The following PEAK1 variants were observed in gnomAD, a reference collection of about 807,000 sequenced individuals.
The protein encoded by PEAK1 is inactive tyrosine-protein kinase PEAK1.
Under a neutral mutation model 124.7 loss-of-function variants are expected in PEAK1, and 54 were observed. That is an observed-to-expected ratio of 0.43 (90% CI 0.35 to 0.54). PEAK1 has a LOEUF of 0.54. Among genes scored for constraint, PEAK1 ranks in the 20% least tolerant of loss-of-function variants. PEAK1 has a pLI of 0.01. For missense variants in PEAK1, 2,046 were observed against 2,134.5 expected (o/e 0.96, Z 0.82); for synonymous variants, 719 against 760.0 (o/e 0.95, Z 0.89).
chr15:77,144,370 T>A (rs554782113), intron 8 of PEAK1, among the ~76,000 whole-genome samples: 4 of 152,350 alleles, frequency 2.6e-5, no homozygotes, highest in Admixed American at 2.6e-4. Context: ...CCTTCCCTAC[T>A]CTCTACTCCT....
At chr15:77,308,939 CA>C (rs1382341465) in intron 2 of PEAK1, among the ~76,000 whole-genome samples, 2 of 151,218 alleles carry the variant, frequency 1.3e-5, no homozygotes, top group Non-Finnish European at 3.0e-5. Context: ...AAATCAAAGC[CA>C]AAAAAAATCC....
At chr15:77,378,754 A>T (rs1264303038) in intron 1 of PEAK1, among the ~76,000 whole-genome samples, 2 of 152,204 alleles carry the variant, frequency 1.3e-5, no homozygotes, top group Non-Finnish European at 2.9e-5. Flanking sequence ...ATACCTTTGA[A>T]GTGTTATTAA....
chr15:77,345,106 C>T (rs989744952), intron 2 of PEAK1, among the ~76,000 whole-genome samples: 26 of 152,116 alleles, frequency 1.7e-4, no homozygotes, highest in Non-Finnish European at 3.2e-4. Flanking sequence ...GGCATCCTTG[C>T]CTTGTCCCTG....
chr15:77,337,316 G>A, intron 2 of PEAK1: 5 of 981,786 alleles, frequency 5.1e-6, no homozygotes, highest in Non-Finnish European at 6.0e-6. Context: ...TGCCAGGAAT[G>A]GTATTTCATT....
At chr15:77,137,030 G>C (rs1392704490) in intron 8 of PEAK1, among the ~76,000 whole-genome samples, 1 of 152,258 alleles carries the variant, frequency 6.6e-6, no homozygotes, top group Non-Finnish European at 1.5e-5. Context: ...GTAGAGCTCA[G>C]GCTGTGGCTT....
intron 6 of PEAK1, among the ~76,000 whole-genome samples, chr15:77,232,373 C>T (rs1481585579): frequency 1.3e-5 from 2 of 152,072 alleles, no homozygotes; most frequent in Non-Finnish European, 2.9e-5. Context: ...TTTATTATCA[C>T]AAATCTCAAA....
chr15:77,259,199 T>G (rs1338993792), intron 5 of PEAK1, among the ~76,000 whole-genome samples: 2 of 150,616 alleles, frequency 1.3e-5, no homozygotes, highest in East Asian at 3.9e-4. Flanking sequence ...AAGATGGCTA[T>G]TTGCTAAAAT....
chr15:77,321,542 G>A (rs530749524), intron 2 of PEAK1, among the ~76,000 whole-genome samples: 5 of 152,176 alleles, frequency 3.3e-5, no homozygotes, highest in Non-Finnish European at 5.9e-5. Flanking sequence ...GTTCATTGTA[G>A]ATTCTGGATA....
chr15:77,374,100 A>C (rs1231695593), intron 1 of PEAK1, among the ~76,000 whole-genome samples: 1 of 152,222 alleles, frequency 6.6e-6, no homozygotes, highest in Non-Finnish European at 1.5e-5. Flanking sequence ...AAGTTTCTAT[A>C]AAGTAAGTCT....
At chr15:77,321,289 G>A (rs1171425811) in intron 2 of PEAK1, among the ~76,000 whole-genome samples, 2 of 152,186 alleles carry the variant, frequency 1.3e-5, no homozygotes, top group African/African-American at 4.8e-5. Context: ...GTGTAAAAGT[G>A]TTCCTATTTC....
intron 7 of PEAK1, among the ~76,000 whole-genome samples, chr15:77,177,388 A>G (rs1248846734): frequency 6.6e-6 from 1 of 152,172 alleles, no homozygotes; most frequent in Non-Finnish European, 1.5e-5. Context: ...TTGTTACTAC[A>G]TGGATTTAAG....
chr15:77,164,569 C>G (rs1425658332), intron 7 of PEAK1, among the ~76,000 whole-genome samples: 1 of 152,144 alleles, frequency 6.6e-6, no homozygotes, highest in Non-Finnish European at 1.5e-5. Flanking sequence ...AAAAACATAG[C>G]CCTCTGTAAA....
At chr15:77,316,439 A>G (rs1470983522) in intron 2 of PEAK1, among the ~76,000 whole-genome samples, 2 of 152,154 alleles carry the variant, frequency 1.3e-5, no homozygotes, top group Non-Finnish European at 2.9e-5. Context: ...TTTTATCACA[A>G]AGTTATTTTC....
At chr15:77,188,583 A>G (rs1458897359) in intron 6 of PEAK1, among the ~76,000 whole-genome samples, 2 of 152,086 alleles carry the variant, frequency 1.3e-5, no homozygotes, top group African/African-American at 4.8e-5. Flanking sequence ...AAGACTCCAT[A>G]GTCTTTTATA....
intron 1 of PEAK1, among the ~76,000 whole-genome samples, chr15:77,366,464 C>T (rs1021647638): frequency 5.9e-5 from 9 of 151,886 alleles, no homozygotes; most frequent in East Asian, 3.9e-4. Context: ...CAAGTGATAA[C>T]GTAATATAAT....
At chr15:77,129,601 ATT>A (rs11411981) in intron 9 of PEAK1, among the ~76,000 whole-genome samples, 2 of 139,608 alleles carry the variant, frequency 1.4e-5, no homozygotes, top group Non-Finnish European at 1.5e-5. Flanking sequence ...ATGACTGGCT[ATT>A]TTTTTTTTTT....
chr15:77,106,133 G>C (rs2050748219), downstream of PEAK1: 1 of 152,112 alleles, frequency 6.6e-6, no homozygotes, highest in African/African-American at 2.4e-5. Flanking sequence ...CAGGGCTCCA[G>C]GTGTTTCTGG....
chr15:77,362,447 T>C (rs1464509159), intron 2 of PEAK1, among the ~76,000 whole-genome samples: 2 of 152,050 alleles, frequency 1.3e-5, no homozygotes, highest in Admixed American at 1.3e-4. Context: ...AAAACCACCA[T>C]ATACCACTTC....
At chr15:77,212,027 T>A in intron 6 of PEAK1, among the ~76,000 whole-genome samples, 1 of 152,188 alleles carries the variant, frequency 6.6e-6, no homozygotes, top group East Asian at 1.9e-4. Context: ...TCATACATTA[T>A]GTTTTCTTTA....
Sources: allele counts gnomAD v4.1 joint callset (sites outside exome capture counted in the v4.1 genomes callset), GRCh38; gene constraint gnomAD v4.1.1; transcripts MANE v1.5; gene names NCBI Gene and HGNC (gene_info 2026-07-23, HGNC 2026-07-21).